The following MALRD1 variants were observed in gnomAD, a reference collection of about 807,000 sequenced individuals.
The protein encoded by MALRD1 is MAM and LDL receptor class A domain containing 1, also known as MAM and LDL-receptor class A domain-containing protein 1.
MALRD1 carries 247 observed loss-of-function variants against 242.1 expected under a neutral mutation model. The ratio of observed to expected loss-of-function variants is 1.02; its 90% CI spans 0.92 to 1.13. The LOEUF is 1.13. Among genes scored for constraint, MALRD1 ranks in the 50% most tolerant of loss-of-function variants. The pLI, the probability that MALRD1 is intolerant of heterozygous loss-of-function variation, is 0.00. For missense variants in MALRD1, 2,989 were observed against 2,533.1 expected (o/e 1.18, Z -3.86); for synonymous variants, 995 against 866.6 (o/e 1.15, Z -2.60).
At chr10:19,572,305 G>A (rs1589253371) in intron 33 of MALRD1, among the ~76,000 whole-genome samples, 1 of 152,250 alleles carries the variant, frequency 6.6e-6, no homozygotes, top group East Asian at 1.9e-4. Flanking sequence ...AGAGAAATGT[G>A]TTTTCTGTTT....
intron 26 of MALRD1, among the ~76,000 whole-genome samples, chr10:19,354,864 A>G (rs1045553947): frequency 5.9e-5 from 9 of 151,818 alleles, no homozygotes; most frequent in African/African-American, 1.9e-4. Context: ...CATGCCCCCT[A>G]TAAGTATGTA....
At chr10:19,592,762 C>G (rs1346802584) in intron 33 of MALRD1, among the ~76,000 whole-genome samples, 1 of 99,292 alleles carries the variant, frequency 1.0e-5, no homozygotes, top group African/African-American at 3.3e-5. Context: ...CACACACACA[C>G]GCACGCACAC....
intron 36 of MALRD1, among the ~76,000 whole-genome samples, chr10:19,668,435 C>T (rs2131751538): frequency 6.6e-6 from 1 of 152,288 alleles, no homozygotes; most frequent in South Asian, 2.1e-4. Flanking sequence ...CCACGCTAGA[C>T]ATCCAGTGAT....
In MALRD1 at chr10:19,660,200, C is replaced by T. The variant is rs780984321; in HGVS notation, c.6138-32082C>T. Among the ~76,000 whole-genome samples the T allele has an allele frequency of 5.9e-5, 9 of 152,116 alleles. No homozygotes were observed. The South Asian group carries it at 1.7e-3, about 28-fold the overall frequency. On this transcript the variant is annotated intron_variant, in intron 36 of 39. Coordinates refer to ENST00000454679, the MANE Select transcript of MALRD1 (RefSeq NM_001142308.3). ...GTTATACAGACAATATGTCAGAGCT[C>T]GGGTATGTTTGTCTTAATCTGCCAG...
chr10:19,687,469 T>G (rs533276848), intron 36 of MALRD1, among the ~76,000 whole-genome samples: 1 of 152,088 alleles, frequency 6.6e-6, no homozygotes, highest in East Asian at 1.9e-4. Flanking sequence ...GCCTAAAATA[T>G]CCCCACTTGC....
intron 36 of MALRD1, among the ~76,000 whole-genome samples, chr10:19,657,215 C>T (rs983410525): frequency 5.3e-5 from 8 of 152,160 alleles, no homozygotes; most frequent in African/African-American, 1.9e-4. Flanking sequence ...CTCTCTCTGA[C>T]CTATCTTCAG....
chr10:19,126,536 T>G (rs1345760423), intron 7 of MALRD1, among the ~76,000 whole-genome samples: 1 of 152,056 alleles, frequency 6.6e-6, no homozygotes, highest in Admixed American at 6.6e-5. Context: ...GTTTTAAGTG[T>G]ATACTTGCTA....
chr10:19,587,830 G>A (rs1335085050), intron 33 of MALRD1, among the ~76,000 whole-genome samples: 1 of 151,734 alleles, frequency 6.6e-6, no homozygotes, highest in African/African-American at 2.4e-5. Context: ...GTGAAGTGGA[G>A]TATGGTAATC....
intron 26 of MALRD1, among the ~76,000 whole-genome samples, chr10:19,385,710 G>A (rs1846045565): frequency 6.6e-6 from 1 of 151,592 alleles, no homozygotes; most frequent in Admixed American, 6.6e-5. Flanking sequence ...ATTCTCTATG[G>A]TTTATTCTCT....
chr10:19,130,598 T>C (rs925961580), intron 8 of MALRD1, among the ~76,000 whole-genome samples: 1 of 152,152 alleles, frequency 6.6e-6, no homozygotes, highest in African/African-American at 2.4e-5. Context: ...TTTAATCTGC[T>C]CTGAAAATGA....
intron 28 of MALRD1, among the ~76,000 whole-genome samples, chr10:19,443,895 G>T (rs139352448): frequency 3.4e-4 from 51 of 152,216 alleles, no homozygotes; most frequent in African/African-American, 9.9e-4. Flanking sequence ...TCTGTCTCGT[G>T]GATCTGTCTA....
chr10:19,602,766 A>C (rs1039380089), intron 34 of MALRD1, among the ~76,000 whole-genome samples: 1 of 152,078 alleles, frequency 6.6e-6, no homozygotes, highest in Non-Finnish European at 1.5e-5. Context: ...TTGAGGAATC[A>C]CCACACTGTC....
rs907137251 is a variant in MALRD1, at chr10:19,061,219, C to T, written c.200-5500C>T. On this transcript the variant is annotated intron_variant, in intron 1 of 39. Coordinates refer to ENST00000454679, the MANE Select transcript of MALRD1 (RefSeq NM_001142308.3). Reference sequence around the variant, plus strand: ...GGATGATCTGTGCAGCAAACCAGCACGAGACTAAAGAGACAGAAATCTTTT... The same window carrying T: ...GGATGATCTGTGCAGCAAACCAGCATGAGACTAAAGAGACAGAAATCTTTT... 3.9e-5 allele frequency among the ~76,000 whole-genome samples: 6 copies of T among 151,916 alleles called. No homozygotes were observed. In the South Asian group the frequency reaches 1.0e-3, roughly 26 times the overall value.
At chr10:19,464,966 T>G (rs1303034572) in intron 29 of MALRD1, among the ~76,000 whole-genome samples, 2 of 150,858 alleles carry the variant, frequency 1.3e-5, no homozygotes, top group Non-Finnish European at 3.0e-5. Context: ...TTTTTTTTTT[T>G]TTGCAGCTCT....
At chr10:19,625,492 A>G (rs139375521) in intron 36 of MALRD1, among the ~76,000 whole-genome samples, 1 of 152,072 alleles carries the variant, frequency 6.6e-6, no homozygotes, top group Admixed American at 6.6e-5. Context: ...AAGCATACAG[A>G]TCATATCCTG....
At chr10:19,410,455 T>G (rs1275574061) in intron 28 of MALRD1, among the ~76,000 whole-genome samples, 1 of 152,186 alleles carries the variant, frequency 6.6e-6, no homozygotes, top group African/African-American at 2.4e-5. Flanking sequence ...GGAATGAAGC[T>G]GTAGTCAGGC....
At chr10:19,244,780 A>T (rs534136028) in intron 18 of MALRD1, among the ~76,000 whole-genome samples, 59 of 152,306 alleles carry the variant, frequency 3.9e-4, no homozygotes, top group African/African-American at 1.4e-3. Context: ...AGGTTTGATT[A>T]TTGCAGAGAT....
rs750457234 is a variant in MALRD1 at position 19,341,524 on chromosome 10, GTA to G, written c.3902-6238_3902-6237del. 3.0e-4 allele frequency among the ~76,000 whole-genome samples: 42 copies of G among 138,850 alleles called. No homozygotes were observed. In the East Asian group the frequency reaches 4.4e-3, roughly 14 times the overall value. 91.1% of individuals were successfully genotyped at this position (138,850 alleles called of 152,430 possible). On this transcript the variant is annotated intron_variant, in intron 24 of 39. Coordinates refer to ENST00000454679, the MANE Select transcript of MALRD1 (RefSeq NM_001142308.3). ...TATGTATATATATGTGTGTATATAT[GTA>G]TATATATACACACATATATATACAC...
At chr10:19,699,397 C>T (rs1321350130) in intron 38 of MALRD1, among the ~76,000 whole-genome samples, 1 of 151,806 alleles carries the variant, frequency 6.6e-6, no homozygotes, top group Admixed American at 6.6e-5. Flanking sequence ...CTGGAGTTTA[C>T]TTTCAGTCCA....
Sources: allele counts gnomAD v4.1 joint callset (sites outside exome capture counted in the v4.1 genomes callset), GRCh38; gene constraint gnomAD v4.1.1; transcripts MANE v1.5; gene names NCBI Gene and HGNC (gene_info 2026-07-23, HGNC 2026-07-21).